The following ZNF500 variants were observed in gnomAD, a reference collection of about 807,000 sequenced individuals.
The protein encoded by ZNF500 is zinc finger protein with KRAB and SCAN domains 18.
ZNF500 carries 31 observed loss-of-function variants against 30.1 expected under a neutral mutation model. The observed-to-expected ratio is 1.03, with a 90% confidence interval of 0.77 to 1.39. The LOEUF (loss-of-function observed/expected upper bound fraction) is 1.39, where lower values mean the gene tolerates loss of function less well. Among genes scored for constraint, ZNF500 ranks in the 40% most tolerant of loss-of-function variants. ZNF500 has a pLI of 0.00. For synonymous variants in ZNF500, 392 were observed against 282.0 expected, an observed-to-expected ratio of 1.39 and a Z score of -3.91; for missense variants, 817 against 657.8, an observed-to-expected ratio of 1.24 and a Z score of -2.65.
At chr16:4,746,720 C>A (rs2082021947), downstream of ZNF500, 1 of 805,376 alleles carries the variant, frequency 1.2e-6, no homozygotes, top group Non-Finnish European at 1.9e-6. Context: ...TCGGGCTGGG[C>A]TCTATGCAAT....
downstream of ZNF500, chr16:4,745,064 G>A (rs2081997138): frequency 3.8e-6 from 6 of 1,582,980 alleles, no homozygotes; most frequent in Non-Finnish European, 5.2e-6. Flanking sequence ...TGGCCCCATG[G>A]TTTTGTAGCA....
intron 3 of ZNF500, 78 bp from the exon 4 acceptor site, chr16:4,762,413 C>A: frequency 6.5e-7 from 1 of 1,532,292 alleles, no homozygotes; most frequent in Non-Finnish European, 8.8e-7. Flanking sequence ...ACCAAGGCCC[C>A]AACAGCCCGG....
intron 5 of ZNF500, among the ~76,000 whole-genome samples, chr16:4,755,323 T>C (rs2082125104): frequency 6.6e-6 from 1 of 151,986 alleles, no homozygotes; most frequent in African/African-American, 2.4e-5. Flanking sequence ...ACTTATTTAT[T>C]TATTTATTTT....
chr16:4,754,600 G>A (rs1596496596), intron 5 of ZNF500, among the ~76,000 whole-genome samples: 1 of 151,294 alleles, frequency 6.6e-6, no homozygotes, highest in South Asian at 2.1e-4. Context: ...GGAGGCAGAA[G>A]TTGCAATGAG....
At position 4,752,311 on chromosome 16, in the gene ZNF500, T is replaced by C; in HGVS notation, c.*65A>G. On this transcript the variant is annotated 3_prime_UTR_variant, in exon 6 of 6. Transcript: ENST00000219478. ...GGCAATGCTTTCGGACCAGGCTGTC[T>C]AGCAGTTTCCTGAATTCTGTGCCCA... The C allele has an allele frequency of 7.0e-7, 1 of 1,436,810 alleles. No homozygotes were observed. The highest frequency in any genetic ancestry group is 9.1e-7 in the Non-Finnish European group (1 of 1,099,994). The allele number at this position is 1,436,810 out of a possible 1,614,324, so 89.0% of individuals were successfully genotyped here.
rs2082064871 is a variant in ZNF500, at chr16:4,750,278, TGCAGACACAGGACA to T, written c.*2084_*2097del. On this transcript the variant is annotated 3_prime_UTR_variant, in exon 6 of 6. Coordinates refer to ENST00000219478, the MANE Select transcript of ZNF500 (RefSeq NM_021646.4). ...GTCCCTCAACCAGGCAGCCCCATTC[TGCAGACACAGGACA>T]GAGCACACAGGGGCCAGAAGCAATG... The T allele has an allele frequency of 6.6e-6, 1 of 152,336 alleles. No individual in the cohort carries two copies. The highest frequency in any genetic ancestry group is 1.5e-5 in the Non-Finnish European group (1 of 68,152). 9.4% of individuals were successfully genotyped at this position (152,336 alleles called of 1,614,324 possible). A position where few individuals can be genotyped will look rare whatever the true frequency, so the allele number is the denominator to read the frequency against.
In ZNF500 at chr16:4,752,468, C is replaced by G; in HGVS notation, c.1351G>C (p.Asp451His). Residue 451 changes from aspartate (D) to histidine (H), a missense_variant, in exon 6 of 6, where the codon GAC (aspartate) becomes CAC (histidine). Asp to His is a moderately conservative substitution (Grantham distance 81). Coordinates refer to ENST00000219478, the MANE Select transcript of ZNF500 (RefSeq NM_021646.4). ...TGGGTCCGCTGGTGCTTGTGCAGGT[C>G]GGTGCCCCGGCGGAAGCCCCGGCCA... ...ACGRGFRRGTDLHKHQRTHMG... is the reference protein window; with the variant it reads ...ACGRGFRRGTHLHKHQRTHMG... The G allele has an allele frequency of 6.5e-7, 1 of 1,543,782 alleles. No homozygotes were observed. The highest frequency in any genetic ancestry group is 8.7e-7 in the Non-Finnish European group (1 of 1,149,426).
downstream of ZNF500, among the ~76,000 whole-genome samples, chr16:4,745,485 G>A (rs1025732795): frequency 2.0e-5 from 3 of 152,232 alleles, no homozygotes; most frequent in African/African-American, 7.2e-5. Context: ...CAGTGAAGCT[G>A]GGAGAGGCAG....
chr16:4,753,157 C>T, intron 5 of ZNF500, 99 bp from the exon 6 acceptor site: 1 of 1,453,908 alleles, frequency 6.9e-7, no homozygotes, highest in Non-Finnish European at 9.0e-7. Flanking sequence ...TCCTAAGGTT[C>T]CCCTACAAAA....
rs952127538 is a variant in ZNF500, at chr16:4,752,030, T to G, written c.*346A>C. ...CTGTATGCCAGCAGCCACTGGATGC[T>G]GGAGGCAGCTGATGGACCCTCCCAG... On this transcript the variant is annotated 3_prime_UTR_variant, in exon 6 of 6. Coordinates refer to ENST00000219478, the MANE Select transcript of ZNF500 (RefSeq NM_021646.4). 1.3e-5 allele frequency: 16 copies of G among 1,240,520 alleles called. No homozygotes were observed. Among genetic ancestry groups the G allele is most frequent in the Middle Eastern group, 3.1e-4 (1 of 3,262 alleles). 76.8% of individuals were successfully genotyped at this position (1,240,520 alleles called of 1,614,324 possible).
At chr16:4,745,567 C>T (rs935135705), downstream of ZNF500, among the ~76,000 whole-genome samples, 1 of 152,206 alleles carries the variant, frequency 6.6e-6, no homozygotes, top group Admixed American at 6.5e-5. Flanking sequence ...TTGGTTGCTC[C>T]GCACTTGAGG....
intron 5 of ZNF500, chr16:4,756,307 A>T (rs2082134077): frequency 6.6e-6 from 1 of 152,098 alleles, no homozygotes; most frequent in Admixed American, 6.5e-5. Flanking sequence ...AACATGGTAA[A>T]ATGCTGTCTC....
chr16:4,747,477 G>A (rs746265671), downstream of ZNF500: 11 of 1,613,270 alleles, frequency 6.8e-6, no homozygotes, highest in African/African-American at 1.3e-5. Context: ...GCTGGATCAC[G>A]AACTGGGAGG....
At chr16:4,745,144 G>A, downstream of ZNF500, 1 of 1,203,428 alleles carries the variant, frequency 8.3e-7, no homozygotes, top group Non-Finnish European at 1.1e-6. Context: ...ATCTGATCAG[G>A]CAGTCGCTCC....
At chr16:4,761,025 T>G (rs2082192895) in intron 4 of ZNF500, among the ~76,000 whole-genome samples, 1 of 151,880 alleles carries the variant, frequency 6.6e-6, no homozygotes, top group African/African-American at 2.4e-5. Flanking sequence ...ACAAGCAAAC[T>G]CTTTCCAGAA....
chr16:4,746,151 T>C (rs747266819), downstream of ZNF500: 5 of 486,368 alleles, frequency 1.0e-5, no homozygotes, highest in African/African-American at 1.9e-5. Context: ...TTACCACAGA[T>C]AGAGAGCATG....
rs1313536314 is a variant in ZNF500 at position 4,752,924 on chromosome 16, T to A, written c.895A>T (p.Arg299Trp). The change falls in exon 6 of 6, where the codon AGG (arginine) becomes TGG (tryptophan). Residue 299 changes from arginine to tryptophan, a missense_variant. Transcript: ENST00000219478. Reference protein sequence around the residue: ...PLPGQRPAPVRGLVRPDQPRG... With the variant: ...PLPGQRPAPVWGLVRPDQPRG... ...GGCTGATCAGGCCTGACCAAGCCCC[T>A]GACTGGGGCTGGCCTCTGACCTGGG... 6.2e-7 allele frequency: 1 copy of A among 1,613,578 alleles called. No homozygotes were observed. The highest frequency in any genetic ancestry group is 8.5e-7 in the Non-Finnish European group (1 of 1,179,950).
rs545012536 is a variant in ZNF500, at chr16:4,751,924, G to A, written c.*452C>T. 1.8e-5 allele frequency: 6 copies of A among 342,104 alleles called. 1 individual carries two copies. In the Admixed American group the frequency reaches 2.1e-4, roughly 12 times the overall value. The allele number at this position is 342,104 out of a possible 1,614,324, so 21.2% of individuals were successfully genotyped here. ...CCCCGTCTCAAAAAAAAAAGGGGGGGGGAGCAGGTGGGGGGTACACACAGA... is the reference window on the plus strand; with the variant it reads ...CCCCGTCTCAAAAAAAAAAGGGGGGAGGAGCAGGTGGGGGGTACACACAGA... On this transcript the variant is annotated 3_prime_UTR_variant, in exon 6 of 6. Coordinates refer to ENST00000219478, the MANE Select transcript of ZNF500 (RefSeq NM_021646.4).
At position 4,751,543 on chromosome 16, in the gene ZNF500, C is replaced by G; in HGVS notation, c.*833G>C. On this transcript the variant is annotated 3_prime_UTR_variant, in exon 6 of 6. Coordinates refer to ENST00000219478, the MANE Select transcript of ZNF500 (RefSeq NM_021646.4). Reference sequence around the variant, plus strand: ...GAGCCCCGGGCTCCATTTGGAAACTCTGGCAGGATGAAGAAGCTGGAGACC... The same window carrying G: ...GAGCCCCGGGCTCCATTTGGAAACTGTGGCAGGATGAAGAAGCTGGAGACC... 6.5e-7 allele frequency: 1 copy of G among 1,528,740 alleles called. No individual in the cohort carries two copies. Among genetic ancestry groups the G allele is most frequent in the Non-Finnish European group, 8.7e-7 (1 of 1,144,484 alleles). 94.7% of individuals were successfully genotyped at this position (1,528,740 alleles called of 1,614,324 possible).
Sources: allele counts gnomAD v4.1 joint callset (sites outside exome capture counted in the v4.1 genomes callset), GRCh38; gene constraint gnomAD v4.1.1; transcripts MANE v1.5; gene names NCBI Gene and HGNC (gene_info 2026-07-23, HGNC 2026-07-21).